Variants in CC2D2A observed in about 807,000 individuals in gnomAD.
CC2D2A encodes the protein coiled-coil and C2 domain containing 2A.
A neutral mutation model predicts 212.9 loss-of-function variants in CC2D2A; 155 were observed. The ratio of observed to expected loss-of-function variants is 0.73; its 90% CI spans 0.64 to 0.83. The LOEUF (loss-of-function observed/expected upper bound fraction) is 0.83, where lower values mean the gene tolerates loss of function less well. Ranked by LOEUF, CC2D2A falls within the 40% of genes least tolerant of loss-of-function variation. The pLI is 0.00. For missense variants in CC2D2A, 1,856 were observed against 1,956.2 expected, an observed-to-expected ratio of 0.95 and a Z score of 0.97; for synonymous variants, 667 against 686.5, an observed-to-expected ratio of 0.97 and a Z score of 0.44.
At chr4:15,512,841 A>G (rs1439562370) in intron 8 of CC2D2A, among the ~76,000 whole-genome samples, 2 of 151,932 alleles carry the variant, frequency 1.3e-5, no homozygotes, top group Non-Finnish European at 2.9e-5. Flanking sequence ...TAATCCAGCT[A>G]CTCAGGAGGC....
Position 15,596,180 on chromosome 4 carries a change from T to G in CC2D2A, c.4410T>G (p.Leu1470=). Residue 1470 remains leucine (L), a synonymous_variant, in exon 34 of 37, where the codon CTT becomes CTG. Coordinates refer to ENST00000424120, the MANE Select transcript of CC2D2A (RefSeq NM_001378615.1). ...GGAAATCTTTCTTTTCAAGAAGCCTTCCATATCCTGGCCTTTCCAGTGTTC... is the reference window on the plus strand; with the variant it reads ...GGAAATCTTTCTTTTCAAGAAGCCTGCCATATCCTGGCCTTTCCAGTGTTC... ...KLWKSFFSRS[L]PYPGLSSVQP... 6.5e-7 allele frequency: 1 copy of G among 1,548,374 alleles called. No individual in the cohort carries two copies. Among genetic ancestry groups the G allele is most frequent in the Non-Finnish European group, 8.7e-7 (1 of 1,145,466 alleles).
chr4:15,599,491 T>G lies in CC2D2A; in HGVS notation c.4497-38T>G, dbSNP rs780578339. ...CATACATTTTTTAACAAGGGAAAAGTGAGTCACCAAAAAATGGAATTTATG... is the reference window on the plus strand; with the variant it reads ...CATACATTTTTTAACAAGGGAAAAGGGAGTCACCAAAAAATGGAATTTATG... On this transcript the variant is annotated intron_variant, in intron 35 of 36. Transcript: ENST00000424120. The G allele has an allele frequency of 2.2e-6, 3 of 1,366,580 alleles. No individual in the cohort carries two copies. In the Admixed American group the frequency reaches 6.9e-5, roughly 31 times the overall value. 84.7% of individuals were successfully genotyped at this position (1,366,580 alleles called of 1,614,324 possible).
At chr4:15,550,690 A>G (rs1320018245) in intron 17 of CC2D2A, 134 bp from the exon 18 acceptor site, 1 of 545,332 alleles carries the variant, frequency 1.8e-6, no homozygotes, top group Non-Finnish European at 3.0e-6. Context: ...ACACAACTCA[A>G]CTTTCCACAA....
At chr4:15,548,963 GA>G (rs1718856061) in intron 17 of CC2D2A, among the ~76,000 whole-genome samples, 1 of 152,126 alleles carries the variant, frequency 6.6e-6, no homozygotes. Flanking sequence ...GGCTCTCAAG[GA>G]AATTTGAAAC....
In CC2D2A at chr4:15,563,424, G is replaced by C. The variant is rs373698524; in HGVS notation, c.3084G>C (p.Arg1028=). The part of the protein sequence containing the change: ...KRPLRPRRKG[R]KKVTAQNLSD... ...CACTGCGGCCAAGGAGAAAAGGTCG[G>C]AAGAAGGTGACAGCCCAAAACCTGT... Residue 1028 remains arginine (R), a synonymous_variant, in exon 24 of 37, where the codon CGG becomes CGC. Transcript: ENST00000424120. The C allele has an allele frequency of 1.1e-4, 178 of 1,610,352 alleles. No individual in the cohort carries two copies. The highest frequency in any genetic ancestry group is 8.3e-4 in the Middle Eastern group (5 of 6,060).
At chr4:15,540,776 A>G in intron 16 of CC2D2A, 61 bp from the exon 17 acceptor site, 1 of 1,439,936 alleles carries the variant, frequency 6.9e-7, no homozygotes, top group Non-Finnish European at 9.6e-7. Context: ...TATTTATCAT[A>G]TATTTTGGTG....
At chr4:15,563,602 C>T in intron 24 of CC2D2A, 80 bp downstream of exon 24, 1 of 1,447,862 alleles carries the variant, frequency 6.9e-7, no homozygotes. Context: ...CATACTCACT[C>T]TCATTCTTAA....
intron 24 of CC2D2A, among the ~76,000 whole-genome samples, chr4:15,565,268 A>G (rs1435750328): frequency 1.3e-5 from 2 of 152,206 alleles, no homozygotes; most frequent in African/African-American, 4.8e-5. Context: ...TTATTCAACT[A>G]AATTAAGGGA....
intron 1 of CC2D2A, among the ~76,000 whole-genome samples, chr4:15,473,459 TAGC>T (rs1244968412): frequency 2.6e-5 from 4 of 152,100 alleles, no homozygotes; most frequent in African/African-American, 9.7e-5. Context: ...GAGAACTAGG[TAGC>T]AGGAACCGCA....
At chr4:15,523,443 G>A (rs1374432851) in intron 11 of CC2D2A, among the ~76,000 whole-genome samples, 3 of 152,088 alleles carry the variant, frequency 2.0e-5, no homozygotes, top group African/African-American at 4.8e-5. Flanking sequence ...CCAAGCTCCC[G>A]CAGAGGTACC....
At chr4:15,599,484 G>T (rs2063680485) in intron 35 of CC2D2A, 45 bp from the exon 36 acceptor site, 2 of 1,307,644 alleles carry the variant, frequency 1.5e-6, no homozygotes, top group African/African-American at 1.5e-5. Context: ...TTTTAACAAG[G>T]GAAAAGTGAG....
At chr4:15,599,923 T>C (rs1721507640) in intron 36 of CC2D2A, among the ~76,000 whole-genome samples, 1 of 152,164 alleles carries the variant, frequency 6.6e-6, no homozygotes, top group Non-Finnish European at 1.5e-5. Context: ...CCATGAAAAA[T>C]ACCTTTTATG....
At chr4:15,578,093 T>G (rs569332726) in intron 29 of CC2D2A, among the ~76,000 whole-genome samples, 1 of 152,342 alleles carries the variant, frequency 6.6e-6, no homozygotes, top group East Asian at 1.9e-4. Flanking sequence ...ATTAGAAATC[T>G]GTGATACACC....
chr4:15,533,121 T>C, intron 13 of CC2D2A, 72 bp from the exon 14 acceptor site: 2 of 1,251,810 alleles, frequency 1.6e-6, no homozygotes, highest in Non-Finnish European at 2.2e-6. Flanking sequence ...ACAATCACTG[T>C]AGCATTATTA....
rs1721335047 is a variant in CC2D2A at position 15,596,667 on chromosome 4, T to A, written c.4437+460T>A. On this transcript the variant is annotated intron_variant, in intron 34 of 36. Transcript: ENST00000424120. ...GTTTCATTTGATAGATATATGTATG[T>A]GTGTACTAGGTTTGTAATGAAATGT... is the stretch of plus-strand genomic sequence containing the variant. 1.3e-5 allele frequency among the ~76,000 whole-genome samples: 2 copies of A among 152,174 alleles called. 1 individual carries two copies. The highest frequency in any genetic ancestry group is 4.1e-4 in the South Asian group (2 of 4,838).
intron 22 of CC2D2A, among the ~76,000 whole-genome samples, chr4:15,560,254 G>T (rs542648314): frequency 5.1e-4 from 77 of 152,142 alleles, no homozygotes; most frequent in Non-Finnish European, 9.0e-4. Context: ...CATTATTTCA[G>T]CAAATTTTGC....
chr4:15,593,578 T>A (rs1721198359), intron 33 of CC2D2A, among the ~76,000 whole-genome samples: 1 of 152,164 alleles, frequency 6.6e-6, no homozygotes, highest in Non-Finnish European at 1.5e-5. Flanking sequence ...GAGAGAGACA[T>A]CTCAAACTTA....
At chr4:15,487,305 T>C (rs1307822914) in intron 4 of CC2D2A, among the ~76,000 whole-genome samples, 2 of 152,144 alleles carry the variant, frequency 1.3e-5, no homozygotes, top group South Asian at 4.1e-4. Context: ...ATATTTGCTT[T>C]ATATATCTGG....
chr4:15,495,681 C>A (rs1715576800), intron 4 of CC2D2A, among the ~76,000 whole-genome samples: 1 of 152,152 alleles, frequency 6.6e-6, no homozygotes, highest in African/African-American at 2.4e-5. Context: ...GTGAATAGTG[C>A]TGTGATGGGC....
Sources: allele counts gnomAD v4.1 joint callset (sites outside exome capture counted in the v4.1 genomes callset), GRCh38; gene constraint gnomAD v4.1.1; transcripts MANE v1.5; gene names NCBI Gene and HGNC (gene_info 2026-07-23, HGNC 2026-07-21).